Variants in RPTOR observed in about 807,000 individuals in gnomAD.
RPTOR encodes regulatory-associated protein of mTOR.
RPTOR carries 21 observed loss-of-function variants against 169.9 expected under a neutral mutation model. The observed-to-expected ratio is 0.12, with a 90% CI of 0.09 to 0.18. The LOEUF (loss-of-function observed/expected upper bound fraction) is 0.18. Ranked by LOEUF, RPTOR falls within the 10% of genes least tolerant of loss-of-function variation. The probability of loss-of-function intolerance (pLI) is 1.00; values close to 1 mark genes in which losing one functional copy is unlikely to be tolerated. For missense variants in RPTOR, 1,133 were observed against 1,855.9 expected (o/e 0.61, Z 7.16); for synonymous variants, 732 against 753.2 (o/e 0.97, Z 0.46).
At chr17:80,683,414 T>A (rs2065912972) in intron 3 of RPTOR, among the ~76,000 whole-genome samples, 1 of 152,160 alleles carries the variant, frequency 6.6e-6, no homozygotes. Flanking sequence ...TTGGCCATAC[T>A]CATTTTGACC....
At chr17:80,612,907 C>T (rs1205436098) in intron 1 of RPTOR, among the ~76,000 whole-genome samples, 1 of 152,080 alleles carries the variant, frequency 6.6e-6, no homozygotes, top group East Asian at 1.9e-4. Context: ...GATGTAAGGC[C>T]ATAATGTGGA....
At chr17:80,634,363 G>A (rs1277492334) in intron 2 of RPTOR, among the ~76,000 whole-genome samples, 12 of 94,712 alleles carry the variant, frequency 1.3e-4, no homozygotes, top group African/African-American at 5.2e-4. Flanking sequence ...CGTACTGTGT[G>A]TGCATACTGT....
chr17:80,617,911 T>C (rs903769280), intron 1 of RPTOR, among the ~76,000 whole-genome samples: 13 of 152,328 alleles, frequency 8.5e-5, no homozygotes, highest in African/African-American at 3.1e-4. Context: ...CATTTGTTTT[T>C]GGAGGAACCA....
chr17:80,749,338 G>A (rs2066608878), intron 5 of RPTOR, among the ~76,000 whole-genome samples: 1 of 54,416 alleles, frequency 1.8e-5, no homozygotes, highest in Non-Finnish European at 4.2e-5. Context: ...GTGTGTGTTT[G>A]GAGGCCGTGG....
At chr17:80,587,227 T>A (rs2065068974) in intron 1 of RPTOR, among the ~76,000 whole-genome samples, 1 of 152,266 alleles carries the variant, frequency 6.6e-6, no homozygotes, top group Admixed American at 6.5e-5. Flanking sequence ...CACAGTTTTA[T>A]CAACTGTTTG....
intron 13 of RPTOR, among the ~76,000 whole-genome samples, chr17:80,879,892 G>A (rs138435615): frequency 2.6e-4 from 39 of 152,368 alleles, no homozygotes; most frequent in African/African-American, 9.1e-4. Context: ...GGGTGAACAA[G>A]TGGGGCCAGT....
At chr17:80,727,678 C>T (rs2066351867) in intron 4 of RPTOR, among the ~76,000 whole-genome samples, 1 of 152,214 alleles carries the variant, frequency 6.6e-6, no homozygotes, top group Admixed American at 6.5e-5. Flanking sequence ...GCCATGTGCT[C>T]AGCTACAACT....
At chr17:80,925,736 AC>A (rs2068804360) in intron 24 of RPTOR, among the ~76,000 whole-genome samples, 2 of 152,208 alleles carry the variant, frequency 1.3e-5, no homozygotes, top group Non-Finnish European at 2.9e-5. Flanking sequence ...TGACAGGGTC[AC>A]CACAGGCCTT....
intron 7 of RPTOR, among the ~76,000 whole-genome samples, chr17:80,805,983 T>C (rs117968185): frequency 0.05 from 7,609 of 152,298 alleles, 226 homozygotes; most frequent in Middle Eastern, 0.092. Flanking sequence ...AGCAGAAGTC[T>C]GTACTAGGGG....
rs573532003 is a variant in RPTOR at position 80,837,413 on chromosome 17, C to G, written c.1137-509C>G. Among the ~76,000 whole-genome samples, 488 of 152,272 alleles carry G rather than the reference C, an allele frequency of 3.2e-3. 4 individuals carry two copies. The highest frequency in any genetic ancestry group is 0.011 in the African/African-American group (475 of 41,546). ...CACCATCACAGCGCAGAGCTCAGCC[C>G]TGACCGCCAGGACTCCTTTCCCTGA... On this transcript the variant is annotated intron_variant, in intron 9 of 33. Transcript: ENST00000306801.
intron 20 of RPTOR, among the ~76,000 whole-genome samples, chr17:80,895,264 G>A (rs992206165): frequency 2.6e-5 from 4 of 152,118 alleles, no homozygotes; most frequent in Non-Finnish European, 5.9e-5. Context: ...TATGGTGGCC[G>A]CTCCCCTCTC....
At chr17:80,953,199 A>G (rs1459754433) in intron 28 of RPTOR, among the ~76,000 whole-genome samples, 2 of 152,106 alleles carry the variant, frequency 1.3e-5, no homozygotes, top group Non-Finnish European at 2.9e-5. Flanking sequence ...CACCACCTTT[A>G]TCTAGTTCCA....
At chr17:80,723,902 A>G (rs1020076077) in intron 4 of RPTOR, among the ~76,000 whole-genome samples, 1 of 151,406 alleles carries the variant, frequency 6.6e-6, no homozygotes, top group Admixed American at 6.5e-5. Flanking sequence ...TCTCTGTAAT[A>G]CAATTTTTGC....
rs558514151 is a variant in RPTOR, at chr17:80,879,071, C to T, written c.1510-1344C>T. ...GAAGCCTGGCTTGGGTCAGGTTCTG[C>T]GTTTCGGCTGTGCGCGCCCCGGAGC... On this transcript the variant is annotated intron_variant, in intron 13 of 33. Transcript: ENST00000306801. Among the ~76,000 whole-genome samples the T allele has an allele frequency of 5.0e-4, 76 of 152,244 alleles. 1 individual carries two copies. The South Asian group carries it at 0.015, about 30-fold the overall frequency.
Position 80,707,325 on chromosome 17 carries a change from CATT to C in RPTOR, c.349-515_349-513del, listed in dbSNP as rs1219094929. On this transcript the variant is annotated intron_variant, in intron 3 of 33. Coordinates refer to ENST00000306801, the MANE Select transcript of RPTOR (RefSeq NM_020761.3). The surrounding 1 kb of genome is among the most constrained non-coding windows in gnomAD (Gnocchi z 5.0). ...TGTGACAGGCATTACTTGTTTATCTCATTGTTGTTCCTAGTAGTTCTCAATGTT... is the reference window on the plus strand; with the variant it reads ...TGTGACAGGCATTACTTGTTTATCTCGTTGTTCCTAGTAGTTCTCAATGTT... Among the ~76,000 whole-genome samples, 4 of 152,322 alleles carry C rather than the reference CATT, an allele frequency of 2.6e-5. No individual in the cohort carries two copies. The highest frequency in any genetic ancestry group is 2.1e-4 in the South Asian group (1 of 4,828).
At chr17:80,685,766 T>C (rs2065942378) in intron 3 of RPTOR, among the ~76,000 whole-genome samples, 1 of 150,764 alleles carries the variant, frequency 6.6e-6, no homozygotes, top group Non-Finnish European at 1.5e-5. Flanking sequence ...CGTGGGGTGC[T>C]TCCTTTGAGC....
rs561419998 is a variant in RPTOR at position 80,774,482 on chromosome 17, G to A, written c.831-16968G>A. On this transcript the variant is annotated intron_variant, in intron 6 of 33. Transcript: ENST00000306801. The stretch of plus-strand genomic sequence containing the variant: ...TTACTGATGAGGTACCAGATGCTCC[G>A]CGTGCGGCCGTCTGGGGTGGACAGC... Among the ~76,000 whole-genome samples the A allele has an allele frequency of 5.9e-5, 9 of 152,306 alleles. No individual in the cohort carries two copies. In the East Asian group the frequency reaches 1.3e-3, roughly 23 times the overall value.
At chr17:80,551,760 G>A (rs1218296487) in intron 1 of RPTOR, among the ~76,000 whole-genome samples, 1 of 152,148 alleles carries the variant, frequency 6.6e-6, no homozygotes, top group Non-Finnish European at 1.5e-5. Flanking sequence ...ACCCTTTACG[G>A]GTGTCGGGCT....
At chr17:80,953,235 G>A (rs535096483) in intron 28 of RPTOR, among the ~76,000 whole-genome samples, 89 of 152,146 alleles carry the variant, frequency 5.8e-4, no homozygotes, top group African/African-American at 1.9e-3. Context: ...TCCAGAAGGC[G>A]GCCTGCTGCC....
Sources: gnomAD v4.1 joint callset for allele counts (sites outside exome capture counted in the v4.1 genomes callset) on GRCh38, gnomAD v4.1.1 for gene constraint, Gnocchi (gnomAD v3.1) non-coding constraint, MANE v1.5 for transcripts, NCBI Gene and HGNC (gene_info 2026-07-23, HGNC 2026-07-21) for gene names.